SLC26A4: variants seen among roughly 807,000 people sequenced by gnomAD.
SLC26A4 encodes pendrin.
Under a neutral mutation model 90.4 loss-of-function variants are expected in SLC26A4, and 93 were observed. That is an observed-to-expected ratio of 1.03 (90% CI 0.87 to 1.22). The LOEUF (loss-of-function observed/expected upper bound fraction) is 1.22, where lower values mean the gene tolerates loss of function less well. SLC26A4 is among the 50% of genes most tolerant of loss of function. SLC26A4 has a pLI of 0.00. For missense variants in SLC26A4, 1,127 were observed against 946.2 expected, an observed-to-expected ratio of 1.19 and a Z score of -2.51; for synonymous variants, 393 against 354.6, an observed-to-expected ratio of 1.11 and a Z score of -1.22.
At chr7:107,663,833 G>GCCACTA (rs1219838451) in intron 3 of SLC26A4, among the ~76,000 whole-genome samples, 1 of 152,080 alleles carries the variant, frequency 6.6e-6, no homozygotes, top group Non-Finnish European at 1.5e-5. Context: ...ACAGGCGCCC[G>GCCACTA]CCACTACGCC....
intron 8 of SLC26A4, among the ~76,000 whole-genome samples, chr7:107,686,632 C>G (rs1030285771): frequency 2.6e-5 from 4 of 151,968 alleles, no homozygotes; most frequent in African/African-American, 4.8e-5. Context: ...GGACAACAGG[C>G]ACACACTGCC....
chr7:107,706,477 A>C (rs74626916), intron 18 of SLC26A4, among the ~76,000 whole-genome samples: 3,755 of 152,266 alleles, frequency 0.025, 152 homozygotes, highest in African/African-American at 0.085. Context: ...AATTGCTTTG[A>C]TAGAAATTTT....
intron 11 of SLC26A4, 69 bp downstream of exon 11, chr7:107,694,549 C>A: frequency 6.6e-7 from 1 of 1,520,142 alleles, no homozygotes; most frequent in Non-Finnish European, 9.1e-7. Context: ...AGATAAATAA[C>A]AGGAGATTTA....
intron 18 of SLC26A4, among the ~76,000 whole-genome samples, chr7:107,706,225 A>T (rs1792034340): frequency 6.6e-6 from 1 of 152,212 alleles, no homozygotes. Flanking sequence ...TTGGTCTCAA[A>T]CTTGGCCTGA....
intron 6 of SLC26A4, among the ~76,000 whole-genome samples, chr7:107,681,567 TAAAGA>T (rs3839817): frequency 0.17 from 26,184 of 152,002 alleles, 2,373 homozygotes; most frequent in Admixed American, 0.2. Flanking sequence ...AAAGCTCATT[TAAAGA>T]AAAGTTACCT....
At chr7:107,669,943 G>A (rs1790818711) in intron 3 of SLC26A4, among the ~76,000 whole-genome samples, 1 of 152,144 alleles carries the variant, frequency 6.6e-6, no homozygotes, top group Non-Finnish European at 1.5e-5. Flanking sequence ...GGTAGAGGGA[G>A]GAAAGAGGAT....
intron 20 of SLC26A4, among the ~76,000 whole-genome samples, chr7:107,713,912 T>G (rs201737021): frequency 5.9e-4 from 22 of 37,194 alleles, no homozygotes; most frequent in South Asian, 2.3e-3. Flanking sequence ...ATTATTAGTA[T>G]TATTATTATT....
intron 3 of SLC26A4, among the ~76,000 whole-genome samples, chr7:107,665,184 G>A (rs1015372613): frequency 2.6e-5 from 4 of 152,148 alleles, no homozygotes; most frequent in Non-Finnish European, 5.9e-5. Context: ...AGGGTGGGGT[G>A]GGGATGGCTT....
At chr7:107,715,066 T>TAAAAAAAAAGAAAAAAAAAAAAAAA (rs1792306080) in intron 20 of SLC26A4, among the ~76,000 whole-genome samples, 1 of 98,678 alleles carries the variant, frequency 1.0e-5, no homozygotes, top group African/African-American at 3.5e-5. Flanking sequence ...CCATCTCTAC[T>TAAAAAAAAAGAAAAAAAAAAAAAAA]AAAAAAAAAA....
chr7:107,673,346 G>C (rs1333478550), intron 4 of SLC26A4, among the ~76,000 whole-genome samples: 1 of 151,764 alleles, frequency 6.6e-6, no homozygotes, highest in Non-Finnish European at 1.5e-5. Flanking sequence ...AAAATGTTTT[G>C]TCTTACAAAA....
chr7:107,663,469 C>T, intron 3 of SLC26A4, 34 bp downstream of exon 3: 1 of 1,612,976 alleles, frequency 6.2e-7, no homozygotes, highest in Non-Finnish European at 8.5e-7. Context: ...TTCTGGTCTC[C>T]AGCAGGAGTT....
At chr7:107,665,174 A>G (rs539427782) in intron 3 of SLC26A4, among the ~76,000 whole-genome samples, 1 of 152,220 alleles carries the variant, frequency 6.6e-6, no homozygotes. Context: ...GATGGGAAGT[A>G]GGGTGGGGTG....
rs1303410365 is a variant in SLC26A4 at position 107,694,471 on chromosome 7, C to T, written c.1332C>T (p.Pro444=). The change falls in exon 11 of 21, where the codon CCC becomes CCT. Residue 444 remains proline, a synonymous_variant. Transcript: ENST00000644269. The stretch of plus-strand genomic sequence containing the variant: ...TTGCCCTGGGGAAGCTTCTGGAACC[C>T]TTGCAGAAGGTATAACCCTGCTTCT... ...AILALGKLLE[P]LQKSVLAAVV... The T allele has an allele frequency of 1.2e-6, 2 of 1,612,172 alleles. No individual in the cohort carries two copies. The highest frequency in any genetic ancestry group is 1.7e-5 in the Admixed American group (1 of 59,980).
At chr7:107,669,537 C>T (rs1043458454) in intron 3 of SLC26A4, among the ~76,000 whole-genome samples, 6 of 152,196 alleles carry the variant, frequency 3.9e-5, no homozygotes, top group Non-Finnish European at 7.4e-5. Flanking sequence ...AGTCACCTTC[C>T]TATTTTATTC....
Position 107,663,389 on chromosome 7 carries a change from T to A in SLC26A4, c.258T>A (p.Ser86Arg), listed in dbSNP as rs756147163. ...ACCGAGTCAAGGAATGGCTGCTTAG[T>A]GACGTCATTTCGGGAGTTAGTACTG... ...PKYRVKEWLL[S>R]DVISGVSTGL... Residue 86 changes from serine (S) to arginine (R), a missense_variant, in exon 3 of 21, where the codon AGT becomes AGA. Ser to Arg is a moderately radical substitution (Grantham distance 110). Coordinates refer to ENST00000644269, the MANE Select transcript of SLC26A4 (RefSeq NM_000441.2). 1.1e-5 allele frequency: 18 copies of A among 1,614,072 alleles called. No individual in the cohort carries two copies. In the African/African-American group the frequency reaches 2.4e-4, roughly 22 times the overall value.
rs370588279 is a variant in SLC26A4, at chr7:107,663,400, C to T, written c.269C>T (p.Ser90Leu). Residue 90 changes from serine to leucine, a missense_variant, in exon 3 of 21, where the codon TCG becomes TTG. Physicochemically the swap from Ser to Leu is moderately radical, Grantham distance 145 (BLOSUM62 -2). Transcript: ENST00000644269. ...VKEWLLSDVI[S>L]GVSTGLVATL... ...GAATGGCTGCTTAGTGACGTCATTT[C>T]GGGAGTTAGTACTGGGCTAGTGGCC... The T allele has an allele frequency of 1.5e-5, 25 of 1,613,910 alleles. No homozygotes were observed. In the South Asian group the frequency reaches 1.6e-4, roughly 11 times the overall value.
chr7:107,681,848 G>T (rs992104251), intron 6 of SLC26A4, among the ~76,000 whole-genome samples: 1 of 151,862 alleles, frequency 6.6e-6, no homozygotes, highest in Non-Finnish European at 1.5e-5. Flanking sequence ...ACTTTGAGAG[G>T]TTGGGCAGGA....
In SLC26A4 at chr7:107,674,267, T is replaced by C; in HGVS notation, c.519T>C (p.Thr173=). 1.2e-6 allele frequency: 2 copies of C among 1,614,024 alleles called. No homozygotes were observed. Among genetic ancestry groups the C allele is most frequent in the Non-Finnish European group, 1.7e-6 (2 of 1,179,888 alleles). Residue 173 remains threonine, a synonymous_variant, in exon 5 of 21, where the codon ACT becomes ACC. Coordinates refer to ENST00000644269, the MANE Select transcript of SLC26A4 (RefSeq NM_000441.2). ...GCAGCAATGGAACTGTATTAAATACTACTATGATAGACACTGCAGCTAGAG... is the reference window on the plus strand; with the variant it reads ...GCAGCAATGGAACTGTATTAAATACCACTATGATAGACACTGCAGCTAGAG... ...VSSSNGTVLN[T]TMIDTAARDT... is the part of the protein sequence containing the mutation.
At chr7:107,673,182 G>A (rs1790920939) in intron 4 of SLC26A4, among the ~76,000 whole-genome samples, 1 of 152,024 alleles carries the variant, frequency 6.6e-6, no homozygotes, top group South Asian at 2.1e-4. Flanking sequence ...CTGGGGTTGG[G>A]TTTTGAGACC....
Sources: gnomAD v4.1 joint callset for allele counts (sites outside exome capture counted in the v4.1 genomes callset) on GRCh38, gnomAD v4.1.1 for gene constraint, MANE v1.5 for transcripts, NCBI Gene and HGNC (gene_info 2026-07-23, HGNC 2026-07-21) for gene names.